Variants in EPAS1 observed in about 807,000 individuals in gnomAD.
The protein encoded by EPAS1 is endothelial PAS domain-containing protein 1.
EPAS1 carries 23 observed loss-of-function variants against 87.9 expected under a neutral mutation model. That is an observed-to-expected ratio of 0.26 (90% CI 0.19 to 0.37). EPAS1 has a LOEUF of 0.37. Among genes scored for constraint, EPAS1 ranks in the 10% least tolerant of loss-of-function variants. The pLI, the probability that EPAS1 is intolerant of heterozygous loss-of-function variation, is 1.00. For synonymous variants in EPAS1, 508 were observed against 444.3 expected (o/e 1.14, Z -1.80); for missense variants, 1,138 against 1,120.7 (o/e 1.02, Z -0.22).
Position 46,297,927 on chromosome 2 carries a change from G to A in EPAS1, c.16G>A (p.Glu6Lys), listed in dbSNP as rs1558578534. 2 of 1,612,642 alleles carry A rather than the reference G, an allele frequency of 1.2e-6. No homozygotes were observed. Among genetic ancestry groups the A allele is most frequent in the South Asian group, 1.1e-5 (1 of 90,932 alleles). The change falls in exon 1 of 16, where the codon GAG becomes AAG. Residue 6 changes from glutamate to lysine, a missense_variant. Around this residue, in one of 4 missense-constraint regions of EPAS1, gnomAD observed 351 missense variants for 417.1 expected, o/e 0.84. Coordinates refer to ENST00000263734, the MANE Select transcript of EPAS1 (RefSeq NM_001430.5). ...CACAGCGACAATGACAGCTGACAAG[G>A]AGAAGAAAAGGTAAGCGGGCGTCCG... is the stretch of plus-strand genomic sequence containing the variant. MTADK[E>K]KKRSSSERRK...
chr2:46,382,741 C>T (rs981956063), intron 15 of EPAS1, 143 bp downstream of exon 15: 34 of 1,149,544 alleles, frequency 3.0e-5, no homozygotes, highest in Non-Finnish European at 4.0e-5. Context: ...CTCAGGTCTC[C>T]TTGGATTTAG....
intron 1 of EPAS1, among the ~76,000 whole-genome samples, chr2:46,320,982 A>G (rs1227136452): frequency 1.3e-5 from 2 of 152,226 alleles, no homozygotes; most frequent in Admixed American, 6.5e-5. Flanking sequence ...ACCACTGCTC[A>G]AGAACTTTTT....
chr2:46,383,809 G>T (rs866268510), intron 15 of EPAS1, among the ~76,000 whole-genome samples: 1 of 152,226 alleles, frequency 6.6e-6, no homozygotes, highest in Non-Finnish European at 1.5e-5. Flanking sequence ...TCAAGCTGGG[G>T]AGGCAGGCAT....
At position 46,346,434 on chromosome 2, in the gene EPAS1, C is replaced by T. The variant is rs1458303485; in HGVS notation, c.27-439C>T. The stretch of plus-strand genomic sequence containing the variant: ...GATTGTGTCTTATGCAGAAAAAGAA[C>T]CTTAAAGCAGTTTTTTTATCTTGTT... On this transcript the variant is annotated intron_variant, in intron 1 of 15. Coordinates refer to ENST00000263734, the MANE Select transcript of EPAS1 (RefSeq NM_001430.5). The surrounding 1 kb of genome is among the most constrained non-coding windows in gnomAD (Gnocchi z 4.0). 1.3e-5 allele frequency among the ~76,000 whole-genome samples: 2 copies of T among 152,132 alleles called. No homozygotes were observed. The highest frequency in any genetic ancestry group is 4.8e-5 in the African/African-American group (2 of 41,424).
chr2:46,329,939 C>T (rs1348909690), intron 1 of EPAS1, among the ~76,000 whole-genome samples: 1 of 152,188 alleles, frequency 6.6e-6, no homozygotes, highest in Non-Finnish European at 1.5e-5. Context: ...AATTCCCCAA[C>T]TATTGCCTCA....
At chr2:46,376,788 C>T (rs755555078) in intron 9 of EPAS1, 35 bp downstream of exon 9, 2 of 1,605,972 alleles carry the variant, frequency 1.2e-6, no homozygotes, top group South Asian at 1.1e-5. Flanking sequence ...GCCCCTGGAA[C>T]CCCGTTGGGG....
intron 1 of EPAS1, among the ~76,000 whole-genome samples, chr2:46,324,605 T>C (rs1390539207): frequency 6.6e-6 from 1 of 152,244 alleles, no homozygotes; most frequent in Non-Finnish European, 1.5e-5. Context: ...GGCTGTGATA[T>C]GCCCTATAGA....
intron 9 of EPAS1, 100 bp downstream of exon 9, chr2:46,376,853 A>C (rs2103665048): frequency 1.6e-6 from 2 of 1,253,738 alleles, no homozygotes; most frequent in South Asian, 2.5e-5. Flanking sequence ...TTTCTTAACC[A>C]GAGCTACCCC....
intron 11 of EPAS1, among the ~76,000 whole-genome samples, chr2:46,379,461 T>TATCA (rs1311502381): frequency 2.6e-5 from 4 of 152,216 alleles, no homozygotes; most frequent in African/African-American, 7.2e-5. Context: ...TTAGCTTTTC[T>TATCA]ATCACCCTCC....
intron 7 of EPAS1, among the ~76,000 whole-genome samples, chr2:46,370,821 G>A (rs878984825): frequency 2.0e-4 from 31 of 152,168 alleles, no homozygotes; most frequent in African/African-American, 6.5e-4. Context: ...ATCCAGGACC[G>A]TTCCCTTGAA....
At chr2:46,361,298 C>T (rs1453393800) in intron 6 of EPAS1, among the ~76,000 whole-genome samples, 1 of 152,194 alleles carries the variant, frequency 6.6e-6, no homozygotes, top group Non-Finnish European at 1.5e-5. Context: ...GACAGAGCCT[C>T]AGGGTCCATC....
chr2:46,340,130 C>A (rs910741946), intron 1 of EPAS1, among the ~76,000 whole-genome samples: 22 of 152,134 alleles, frequency 1.4e-4, no homozygotes, highest in African/African-American at 5.3e-4. Context: ...ACGTGTCCTC[C>A]GGTTACGTAA....
At chr2:46,345,973 G>A (rs1324754633) in intron 1 of EPAS1, among the ~76,000 whole-genome samples, 2 of 152,176 alleles carry the variant, frequency 1.3e-5, no homozygotes, top group African/African-American at 4.8e-5. Context: ...TTACAGATGA[G>A]GAGACTGAGG....
intron 2 of EPAS1, among the ~76,000 whole-genome samples, chr2:46,348,429 G>A (rs1293101839): frequency 2.0e-5 from 3 of 152,182 alleles, no homozygotes; most frequent in African/African-American, 7.2e-5. Context: ...AAAAAGGCTT[G>A]TCTTACTGGA....
chr2:46,384,697 C>T lies in EPAS1; in HGVS notation c.*37C>T. The T allele has an allele frequency of 6.2e-7, 1 of 1,608,894 alleles. No individual in the cohort carries two copies. ...TACCTGGGCAGCACCTCTGCCGACG[C>T]CGTCCCACCAGCTTCACTCTCTCCG... is the stretch of plus-strand genomic sequence containing the variant. On this transcript the variant is annotated 3_prime_UTR_variant, in exon 16 of 16. Coordinates refer to ENST00000263734, the MANE Select transcript of EPAS1 (RefSeq NM_001430.5).
chr2:46,315,650 A>G (rs1683298615), intron 1 of EPAS1, among the ~76,000 whole-genome samples: 1 of 152,244 alleles, frequency 6.6e-6, no homozygotes, highest in Admixed American at 6.5e-5. Flanking sequence ...CTCTTGCATA[A>G]TATTTCCTTG....
intron 15 of EPAS1, among the ~76,000 whole-genome samples, chr2:46,383,357 C>G (rs1489809316): frequency 6.6e-6 from 1 of 152,242 alleles, no homozygotes; most frequent in Admixed American, 6.5e-5. Flanking sequence ...GCCTTCAACC[C>G]TGGGCCACCT....
chr2:46,317,443 G>C (rs1452204966), intron 1 of EPAS1, among the ~76,000 whole-genome samples: 1 of 152,156 alleles, frequency 6.6e-6, no homozygotes, highest in Non-Finnish European at 1.5e-5. Flanking sequence ...GTCTCCATCA[G>C]GGCTCTTGAG....
chr2:46,305,693 C>T (rs1036902985), intron 1 of EPAS1, among the ~76,000 whole-genome samples: 4 of 137,292 alleles, frequency 2.9e-5, no homozygotes, highest in Non-Finnish European at 4.6e-5. Flanking sequence ...GTGTCTCATA[C>T]ACCCCTAGTG....
Sources: allele counts gnomAD v4.1 joint callset (sites outside exome capture counted in the v4.1 genomes callset), GRCh38; gene constraint gnomAD v4.1.1; regional missense constraint gnomAD v4.1.1; non-coding constraint Gnocchi (gnomAD v3.1); transcripts MANE v1.5; gene names NCBI Gene and HGNC (gene_info 2026-07-23, HGNC 2026-07-21).